The following PRMT1 variants were observed in gnomAD, a reference collection of about 807,000 sequenced individuals.
The protein encoded by PRMT1 is protein arginine N-methyltransferase 1.
In PRMT1, 5 loss-of-function variants were observed where a neutral mutation model predicts 47.4. The ratio of observed to expected loss-of-function variants is 0.11; its 90% CI spans 0.06 to 0.22. The LOEUF (loss-of-function observed/expected upper bound fraction) is 0.22. Ranked by LOEUF, PRMT1 falls within the 10% of genes least tolerant of loss-of-function variation. The pLI, the probability that PRMT1 is intolerant of heterozygous loss-of-function variation, is 1.00. For missense variants in PRMT1, 249 were observed against 518.4 expected (o/e 0.48, Z 5.05); for synonymous variants, 227 against 204.6 (o/e 1.11, Z -0.94).
At position 49,686,375 on chromosome 19, in the gene PRMT1, T is replaced by C. The variant is rs45461094; in HGVS notation, c.910+132T>C. On this transcript the variant is annotated intron_variant, in intron 9 of 10. Transcript: ENST00000454376. ...GCGTGTTCCAGTGTGAGCTCTGCCA[T>C]GTAGCAGTCACGTGGCCTTGGGCAA... The C allele has an allele frequency of 9.2e-3, 12,260 of 1,333,620 alleles. 940 individuals are homozygous for C. In the African/African-American group the frequency reaches 0.16, roughly 17 times the overall value. The allele number at this position is 1,333,620 out of a possible 1,614,324, so 82.6% of individuals were successfully genotyped here.
Position 49,688,321 on chromosome 19 carries a change from C to T in PRMT1, c.*76C>T. On this transcript the variant is annotated 3_prime_UTR_variant, in exon 11 of 11. Transcript: ENST00000454376. The surrounding 1 kb of genome is among the most constrained non-coding windows in gnomAD (Gnocchi z 5.3). The stretch of plus-strand genomic sequence containing the variant: ...GGTTTCGGGGCTCCCCCTTCCTCTC[C>T]CTCCCTCCCGCAGAAGGGGGTTTTA... 3 of 1,434,096 alleles carry T rather than the reference C, an allele frequency of 2.1e-6. No individual in the cohort carries two copies. In the South Asian group the frequency reaches 3.4e-5, roughly 16 times the overall value. The allele number at this position is 1,434,096 out of a possible 1,614,324, so 88.8% of individuals were successfully genotyped here.
rs1326010951 is a variant in PRMT1, at chr19:49,688,358, TG to T, written c.*119del. The T allele has an allele frequency of 7.5e-6, 7 of 934,056 alleles. No homozygotes were observed. Among genetic ancestry groups the T allele is most frequent in the East Asian group, 2.5e-5 (1 of 39,826 alleles). 57.9% of individuals were successfully genotyped at this position (934,056 alleles called of 1,614,324 possible). A position where few individuals can be genotyped will look rare whatever the true frequency, so the allele number is the denominator to read the frequency against. On this transcript the variant is annotated 3_prime_UTR_variant, in exon 11 of 11. Transcript: ENST00000454376. The surrounding 1 kb of genome is among the most constrained non-coding windows in gnomAD (Gnocchi z 5.3). ...AGAAGGGGGTTTTAGGGGCCTGGGC[TG>T]GGGGGATGGGGAGGGCACATCGTGA... is the stretch of plus-strand genomic sequence containing the variant.
Position 49,685,435 on chromosome 19 carries a change from G to C in PRMT1, c.759+398G>C. Reference sequence around the variant, plus strand: ...CTACTCGGGAGGATCACTTGGGCCTGGGAGTTCAAGGCTGCAGTGAGCTGT... The same window carrying C: ...CTACTCGGGAGGATCACTTGGGCCTCGGAGTTCAAGGCTGCAGTGAGCTGT... On this transcript the variant is annotated intron_variant, in intron 8 of 10. Coordinates refer to ENST00000454376, the MANE Select transcript of PRMT1 (RefSeq NM_001536.6). This position sits in a 1 kb window ranked among gnomAD's most constrained non-coding sequence, Gnocchi z 4.7. 1 of 1,181,904 alleles carries C rather than the reference G, an allele frequency of 8.5e-7. No homozygotes were observed. The highest frequency in any genetic ancestry group is 1.1e-6 in the Non-Finnish European group (1 of 943,432). 73.2% of individuals were successfully genotyped at this position (1,181,904 alleles called of 1,614,324 possible). A position where few individuals can be genotyped will look rare whatever the true frequency, so the allele number is the denominator to read the frequency against.
chr19:49,688,311 C>T lies in PRMT1; in HGVS notation c.*66C>T, dbSNP rs760995505. 3 of 1,489,098 alleles carry T rather than the reference C, an allele frequency of 2.0e-6. No individual in the cohort carries two copies. The highest frequency in any genetic ancestry group is 3.3e-5 in the Admixed American group (2 of 59,746). The allele number at this position is 1,489,098 out of a possible 1,614,324, so 92.2% of individuals were successfully genotyped here. A position where few individuals can be genotyped will look rare whatever the true frequency, so the allele number is the denominator to read the frequency against. ...GTTCCTAGGCGGTTTCGGGGCTCCC[C>T]CTTCCTCTCCCTCCCTCCCGCAGAA... On this transcript the variant is annotated 3_prime_UTR_variant, in exon 11 of 11. Coordinates refer to ENST00000454376, the MANE Select transcript of PRMT1 (RefSeq NM_001536.6). The surrounding 1 kb of genome is among the most constrained non-coding windows in gnomAD (Gnocchi z 5.3).
Position 49,680,525 on chromosome 19 carries a change from C to A in PRMT1, c.129C>A (p.Asn43Lys), listed in dbSNP as rs374396395. 1.9e-6 allele frequency: 3 copies of A among 1,614,000 alleles called. No individual in the cohort carries two copies. The highest frequency in any genetic ancestry group is 2.5e-6 in the Non-Finnish European group (3 of 1,180,002). ...AGGCGGAAAGCAGTGAGAAGCCCAA[C>A]GCTGAGGACATGACATCCAAAGATT... ...CGQAESSEKP[N>K]AEDMTSKDYY... Residue 43 changes from asparagine (N) to lysine (K), a missense_variant, in exon 3 of 11, where the codon AAC becomes AAA. Asn to Lys is a moderately conservative substitution (Grantham distance 94). Around this residue, in one of 2 missense-constraint regions of PRMT1, gnomAD observed 59 missense variants for 61.7 expected, o/e 0.96. Transcript: ENST00000454376. This position sits in a 1 kb window ranked among gnomAD's most constrained non-coding sequence, Gnocchi z 4.2.
intron 1 of PRMT1, 198 bp from the exon 2 acceptor site, chr19:49,679,674 C>A (rs1401450787): frequency 3.6e-6 from 2 of 552,050 alleles, no homozygotes; most frequent in East Asian, 4.1e-5. Context: ...GGATAGGAGA[C>A]CCCCCTTTCT....
rs767206808 is a variant in PRMT1 at position 49,680,568 on chromosome 19, G to T, written c.172G>T (p.Ala58Ser). 1 of 1,613,342 alleles carries T rather than the reference G, an allele frequency of 6.2e-7. No homozygotes were observed. The highest frequency in any genetic ancestry group is 1.1e-5 in the South Asian group (1 of 91,072). The change falls in exon 3 of 11, where the codon GCA (alanine) becomes TCA (serine). Residue 58 changes from alanine to serine, a missense_variant. Transcript: ENST00000454376. The surrounding 1 kb of genome is among the most constrained non-coding windows in gnomAD (Gnocchi z 4.2). ...CAAAGATTACTACTTTGACTCCTAC[G>T]CACACTTTGGCATCCACGAGGTCAG... ...TSKDYYFDSY[A>S]HFGIHEEMLK...
At position 49,685,199 on chromosome 19, in the gene PRMT1, T is replaced by C. The variant is rs929355160; in HGVS notation, c.759+162T>C. 14 of 1,536,394 alleles carry C rather than the reference T, an allele frequency of 9.1e-6. No individual in the cohort carries two copies. Among genetic ancestry groups the C allele is most frequent in the East Asian group, 4.9e-5 (2 of 40,820 alleles). Reference sequence around the variant, plus strand: ...CTAGAGGCCCAGGAAAGACACTTCGTCCTTTAAATATCTTTGTGAGCGCTG... The same window carrying C: ...CTAGAGGCCCAGGAAAGACACTTCGCCCTTTAAATATCTTTGTGAGCGCTG... On this transcript the variant is annotated intron_variant, in intron 8 of 10. Transcript: ENST00000454376. The surrounding 1 kb of genome is among the most constrained non-coding windows in gnomAD (Gnocchi z 4.7).
intron 1 of PRMT1, among the ~76,000 whole-genome samples, chr19:49,677,791 T>G (rs2082059473): frequency 6.6e-6 from 1 of 151,926 alleles, no homozygotes; most frequent in African/African-American, 2.4e-5. Flanking sequence ...CCCTCCACGA[T>G]GTGGGGAGTC....
In PRMT1 at chr19:49,682,055, A is replaced by G. The variant is rs558433281; in HGVS notation, c.338A>G (p.Lys113Arg). 890 of 1,614,080 alleles carry G rather than the reference A, an allele frequency of 5.5e-4. 8 individuals carry two copies. The South Asian group carries it at 9.3e-3, about 17-fold the overall frequency. The change falls in exon 4 of 11, where the codon AAG (lysine) becomes AGG (arginine). Residue 113 changes from lysine to arginine, a missense_variant. Physicochemically the swap from Lys to Arg is conservative, Grantham distance 26 (BLOSUM62 2). Around this residue, in one of 2 missense-constraint regions of PRMT1, gnomAD observed 190 missense variants for 456.7 expected, o/e 0.42. Coordinates refer to ENST00000454376, the MANE Select transcript of PRMT1 (RefSeq NM_001536.6). ...CMFAAKAGAR[K>R]VIGIECSSIS... ...TTTGCTGCCAAGGCCGGGGCCCGCA[A>G]GGTCATCGGGGTGAGTCTCCAGGGT...
At position 49,680,359 on chromosome 19, in the gene PRMT1, T is replaced by C. The variant is rs2082098939; in HGVS notation, c.91-128T>C. ...GGGGGGCAAGATGGCAGGCGGGGGC[T>C]GTAGGGTTGTCATGGTATGATTTTG... On this transcript the variant is annotated intron_variant, in intron 2 of 10. Coordinates refer to ENST00000454376, the MANE Select transcript of PRMT1 (RefSeq NM_001536.6). This position sits in a 1 kb window ranked among gnomAD's most constrained non-coding sequence, Gnocchi z 4.2. 1 of 1,018,500 alleles carries C rather than the reference T, an allele frequency of 9.8e-7. No homozygotes were observed. Among genetic ancestry groups the C allele is most frequent in the Admixed American group, 1.9e-5 (1 of 52,088 alleles). The allele number at this position is 1,018,500 out of a possible 1,614,324, so 63.1% of individuals were successfully genotyped here.
At chr19:49,679,989 A>G in intron 2 of PRMT1, 64 bp downstream of exon 2, 4 of 1,487,390 alleles carry the variant, frequency 2.7e-6, no homozygotes, top group Non-Finnish European at 3.7e-6. Flanking sequence ...CTTGCCACAC[A>G]TCTGGCCCTT....
In PRMT1 at chr19:49,684,167, G is replaced by C; in HGVS notation, c.555+98G>C. On this transcript the variant is annotated intron_variant, in intron 6 of 10. Coordinates refer to ENST00000454376, the MANE Select transcript of PRMT1 (RefSeq NM_001536.6). This position sits in a 1 kb window ranked among gnomAD's most constrained non-coding sequence, Gnocchi z 6.2. ...TTTTCCCACAGACGGGACTTACTGTGGGGGCTTAGCTGCAAGGTGTTAGAA... is the reference window on the plus strand; with the variant it reads ...TTTTCCCACAGACGGGACTTACTGTCGGGGCTTAGCTGCAAGGTGTTAGAA... The C allele has an allele frequency of 6.6e-7, 1 of 1,513,042 alleles. No individual in the cohort carries two copies. Among genetic ancestry groups the C allele is most frequent in the Non-Finnish European group, 9.0e-7 (1 of 1,106,690 alleles). 93.7% of individuals were successfully genotyped at this position (1,513,042 alleles called of 1,614,324 possible). A position where few individuals can be genotyped will look rare whatever the true frequency, so the allele number is the denominator to read the frequency against.
chr19:49,682,220 T>C lies in PRMT1; in HGVS notation c.373T>C (p.Tyr125His). 8 of 1,613,996 alleles carry C rather than the reference T, an allele frequency of 5.0e-6. No homozygotes were observed. The highest frequency in any genetic ancestry group is 6.8e-6 in the Non-Finnish European group (8 of 1,180,032). The change falls in exon 5 of 11, where the codon TAT becomes CAT. Residue 125 changes from tyrosine to histidine, a missense_variant. Around this residue, in one of 2 missense-constraint regions of PRMT1, gnomAD observed 190 missense variants for 456.7 expected, o/e 0.42. Coordinates refer to ENST00000454376, the MANE Select transcript of PRMT1 (RefSeq NM_001536.6). The part of the protein sequence containing the change: ...IGIECSSISD[Y>H]AVKIVKANKL... ...GATCGAGTGTTCCAGTATCTCTGAT[T>C]ATGCGGTGAAGATCGTCAAAGCCAA...
chr19:49,677,222 G>T, upstream of PRMT1: 1 of 1,395,552 alleles, frequency 7.2e-7, no homozygotes. Flanking sequence ...GGCGGTCCCG[G>T]GGGAGTGAGG....
intron 10 of PRMT1, among the ~76,000 whole-genome samples, chr19:49,687,153 G>A (rs774501867): frequency 2.7e-4 from 41 of 152,120 alleles, no homozygotes; most frequent in Non-Finnish European, 4.7e-4. Flanking sequence ...TAGCCCAGCT[G>A]GGAGGCATGA....
chr19:49,686,769 G>T, intron 10 of PRMT1, 43 bp downstream of exon 10: 1 of 1,504,954 alleles, frequency 6.6e-7, no homozygotes, highest in Non-Finnish European at 8.9e-7. Flanking sequence ...CAGCTAGGGC[G>T]GGGAGTGTAG....
chr19:49,688,210 G>C lies in PRMT1; in HGVS notation c.1081G>C (p.Glu361Gln). The C allele has an allele frequency of 6.2e-7, 1 of 1,613,988 alleles. No individual in the cohort carries two copies. The highest frequency in any genetic ancestry group is 8.5e-7 in the Non-Finnish European group (1 of 1,179,930). The change falls in exon 11 of 11, where the codon GAG becomes CAG. Residue 361 changes from glutamate (E) to glutamine (Q), a missense_variant. Transcript: ENST00000454376. This position sits in a 1 kb window ranked among gnomAD's most constrained non-coding sequence, Gnocchi z 5.3. ...IDLDFKGQLC[E>Q]LSCSTDYRMR Reference sequence around the variant, plus strand: ...CCTGGACTTCAAGGGCCAGCTGTGCGAGCTGTCCTGCTCCACCGACTACCG... The same window carrying C: ...CCTGGACTTCAAGGGCCAGCTGTGCCAGCTGTCCTGCTCCACCGACTACCG...
Position 49,684,111 on chromosome 19 carries a change from G to A in PRMT1, c.555+42G>A. ...ACGGGTGCAGCTCGCGTGGGCTGGG[G>A]TCCAGGTAGAAGACGAAAACCACGC... is the stretch of plus-strand genomic sequence containing the variant. On this transcript the variant is annotated intron_variant, in intron 6 of 10. Transcript: ENST00000454376. The surrounding 1 kb of genome is among the most constrained non-coding windows in gnomAD (Gnocchi z 6.2). 1 of 1,610,058 alleles carries A rather than the reference G, an allele frequency of 6.2e-7. No individual in the cohort carries two copies. Among genetic ancestry groups the A allele is most frequent in the Non-Finnish European group, 8.5e-7 (1 of 1,177,126 alleles).
Sources: gnomAD v4.1 joint callset for allele counts (sites outside exome capture counted in the v4.1 genomes callset) on GRCh38, gnomAD v4.1.1 for gene constraint, gnomAD v4.1.1 regional missense constraint, Gnocchi (gnomAD v3.1) non-coding constraint, MANE v1.5 for transcripts, NCBI Gene and HGNC (gene_info 2026-07-23, HGNC 2026-07-21) for gene names.